LRP2: variants seen among roughly 807,000 people sequenced by gnomAD.
LRP2 encodes the protein LDL receptor related protein 2.
Under a neutral mutation model 531.0 loss-of-function variants are expected in LRP2, and 172 were observed. That is an observed-to-expected ratio of 0.32 (90% CI 0.29 to 0.37). The LOEUF is 0.37. Ranked by LOEUF, LRP2 falls within the 10% of genes least tolerant of loss-of-function variation. LRP2 has a pLI of 1.00. For synonymous variants in LRP2, 1,992 were observed against 2,027.6 expected (o/e 0.98, Z 0.47); for missense variants, 5,167 against 5,868.3 (o/e 0.88, Z 3.90).
At chr2:169,328,461 A>AAAAG (rs1553515058) in intron 1 of LRP2, among the ~76,000 whole-genome samples, 249 of 147,134 alleles carry the variant, frequency 1.7e-3, no homozygotes, top group Middle Eastern at 3.4e-3. Flanking sequence ...AAAAAAAAAA[A>AAAAG]AAAGAAAAAA....
chr2:169,200,045 T>C (rs756879882), intron 44 of LRP2, among the ~76,000 whole-genome samples: 2 of 152,028 alleles, frequency 1.3e-5, no homozygotes, highest in Non-Finnish European at 2.9e-5. Flanking sequence ...GGTCAGGAGA[T>C]CGAGACCATC....
chr2:169,157,624 A>G, intron 63 of LRP2, 122 bp from the exon 64 acceptor site: 1 of 1,118,720 alleles, frequency 8.9e-7, no homozygotes, highest in South Asian at 1.3e-5. Flanking sequence ...CCCTTTCCAT[A>G]AGCCTTGGAG....
Position 169,313,878 on chromosome 2 carries a change from A to G in LRP2, c.310+4884T>C, listed in dbSNP as rs560649584. On this transcript the variant is annotated intron_variant, in intron 3 of 78. Coordinates refer to ENST00000649046, the MANE Select transcript of LRP2 (RefSeq NM_004525.3). ...TGAATGCCACAATACATATTGATTCATGTTTTTGTCCATTAGTGGTCCGTG... is the reference window on the plus strand; with the variant it reads ...TGAATGCCACAATACATATTGATTCGTGTTTTTGTCCATTAGTGGTCCGTG... 7.9e-5 allele frequency among the ~76,000 whole-genome samples: 12 copies of G among 152,290 alleles called. No homozygotes were observed. The South Asian group carries it at 2.3e-3, about 29-fold the overall frequency.
intron 52 of LRP2, among the ~76,000 whole-genome samples, chr2:169,178,942 T>C (rs1047395752): frequency 6.6e-6 from 1 of 152,142 alleles, no homozygotes; most frequent in Non-Finnish European, 1.5e-5. Flanking sequence ...TGGCCTTTGT[T>C]GATAAGGATG....
intron 21 of LRP2, among the ~76,000 whole-genome samples, chr2:169,245,861 G>T (rs1253901715): frequency 1.3e-5 from 2 of 152,044 alleles, no homozygotes; most frequent in African/African-American, 4.8e-5. Flanking sequence ...GGTTTTTGTT[G>T]TTGTTGTTGT....
chr2:169,294,786 T>C, intron 4 of LRP2, 76 bp from the exon 5 acceptor site: 4 of 902,088 alleles, frequency 4.4e-6, no homozygotes, highest in Non-Finnish European at 7.0e-6. Context: ...TCAGCAAACA[T>C]TTATTGAGTG....
At chr2:169,295,809 T>A (rs2105474624) in intron 4 of LRP2, among the ~76,000 whole-genome samples, 1 of 143,582 alleles carries the variant, frequency 7.0e-6, no homozygotes, top group Non-Finnish European at 1.5e-5. Context: ...TTCTGCCTTT[T>A]ATGGCCTTTG....
chr2:169,189,197 A>G (rs1487191718), intron 48 of LRP2, among the ~76,000 whole-genome samples: 1 of 152,224 alleles, frequency 6.6e-6, no homozygotes, highest in Non-Finnish European at 1.5e-5. Context: ...ACAATTTATC[A>G]TAGAAAGCAT....
intron 25 of LRP2, 68 bp downstream of exon 25, chr2:169,240,920 T>C: frequency 1.3e-6 from 2 of 1,578,630 alleles, no homozygotes; most frequent in Non-Finnish European, 1.7e-6. Context: ...ACTGTGACAA[T>C]GGTGATGCAC....
chr2:169,339,034 C>T (rs561364404), intron 1 of LRP2, among the ~76,000 whole-genome samples: 48 of 152,056 alleles, frequency 3.2e-4, no homozygotes, highest in Non-Finnish European at 5.3e-4. Flanking sequence ...AAATTGATTA[C>T]TGATACTATT....
rs375162628 is a variant in LRP2 at position 169,169,682 on chromosome 2, A to G, written c.11497+20T>C. ...CATGCTCTCAGGTAAGCAGTACTAC[A>G]TATGTGTCTAGGGACTTACGACAAT... On this transcript the variant is annotated intron_variant, in intron 60 of 78. Coordinates refer to ENST00000649046, the MANE Select transcript of LRP2 (RefSeq NM_004525.3). 2.5e-6 allele frequency: 4 copies of G among 1,588,192 alleles called. No individual in the cohort carries two copies. The highest frequency in any genetic ancestry group is 2.6e-6 in the Non-Finnish European group (3 of 1,156,446).
Position 169,279,619 on chromosome 2 carries a change from A to G in LRP2, c.1342-24T>C, listed in dbSNP as rs115854094. 42,345 of 1,435,842 alleles carry G rather than the reference A, an allele frequency of 0.029. 777 individuals are homozygous for G. The highest frequency in any genetic ancestry group is 0.036 in the Non-Finnish European group (36,404 of 1,020,074). 88.9% of individuals were successfully genotyped at this position (1,435,842 alleles called of 1,614,324 possible). On this transcript the variant is annotated intron_variant, in intron 11 of 78. Coordinates refer to ENST00000649046, the MANE Select transcript of LRP2 (RefSeq NM_004525.3). Reference sequence around the variant, plus strand: ...ACCTGAAAGAAAAACCAAAATTATTATATTTCTTCAGCATCACTAACTACG... The same window carrying G: ...ACCTGAAAGAAAAACCAAAATTATTGTATTTCTTCAGCATCACTAACTACG...
intron 1 of LRP2, among the ~76,000 whole-genome samples, chr2:169,356,243 T>C (rs1685983607): frequency 6.6e-6 from 1 of 152,192 alleles, no homozygotes; most frequent in Non-Finnish European, 1.5e-5. Context: ...CAGTTTAACT[T>C]AGTTTTGTGA....
intron 52 of LRP2, among the ~76,000 whole-genome samples, chr2:169,178,903 A>G (rs964561330): frequency 6.6e-6 from 1 of 152,232 alleles, no homozygotes; most frequent in Non-Finnish European, 1.5e-5. Context: ...GTAACTTATA[A>G]AAGTCATAGG....
chr2:169,219,597 A>T (rs994446527), intron 34 of LRP2, among the ~76,000 whole-genome samples: 1 of 152,282 alleles, frequency 6.6e-6, no homozygotes, highest in East Asian at 1.9e-4. Flanking sequence ...GAGAAAACCA[A>T]ATACCACATG....
Position 169,270,901 on chromosome 2 carries a change from C to T in LRP2, c.2320+3G>A. ...CACACACACACACACAAACCTTTCT[C>T]ACCTGTGCCATCAATCTTTTGCTTA... On this transcript the variant is annotated splice_donor_region_variant and intron_variant, in intron 16 of 78. Coordinates refer to ENST00000649046, the MANE Select transcript of LRP2 (RefSeq NM_004525.3). 1.9e-6 allele frequency: 3 copies of T among 1,612,210 alleles called. No homozygotes were observed. Among genetic ancestry groups the T allele is most frequent in the Non-Finnish European group, 2.5e-6 (3 of 1,179,112 alleles).
rs1176498492 is a variant in LRP2, at chr2:169,185,969, T to G, written c.9379A>C (p.Thr3127Pro). Reference protein sequence around the residue: ...PSISGCDHNCTDTLTSFYCSC... With the variant: ...PSISGCDHNCPDTLTSFYCSC... ...CAATAGAAACTGGTTAAGGTGTCTG[T>G]GCAGTTGTGATCGCAGCCACTGATT... Residue 3127 changes from threonine to proline, a missense_variant, in exon 50 of 79, where the codon ACA (threonine) becomes CCA (proline). Thr to Pro is a conservative substitution (Grantham distance 38). Transcript: ENST00000649046. The G allele has an allele frequency of 6.2e-7, 1 of 1,613,994 alleles. No individual in the cohort carries two copies. Among genetic ancestry groups the G allele is most frequent in the Admixed American group, 1.7e-5 (1 of 60,016 alleles).
At chr2:169,270,135 G>C (rs1316996899) in intron 16 of LRP2, among the ~76,000 whole-genome samples, 1 of 152,128 alleles carries the variant, frequency 6.6e-6, no homozygotes, top group African/African-American at 2.4e-5. Context: ...TGGAGATATA[G>C]GAACACTTTT....
At chr2:169,226,876 A>G (rs1689219690) in intron 31 of LRP2, among the ~76,000 whole-genome samples, 1 of 151,354 alleles carries the variant, frequency 6.6e-6, no homozygotes, top group Non-Finnish European at 1.5e-5. Flanking sequence ...CTAATAAACC[A>G]CCCATGTTTG....
Sources: allele counts gnomAD v4.1 joint callset (sites outside exome capture counted in the v4.1 genomes callset), GRCh38; gene constraint gnomAD v4.1.1; transcripts MANE v1.5; gene names NCBI Gene and HGNC (gene_info 2026-07-23, HGNC 2026-07-21).